UPF1: variants seen among roughly 807,000 people sequenced by gnomAD.
UPF1 encodes regulator of nonsense transcripts 1.
A neutral mutation model predicts 129.2 loss-of-function variants in UPF1; 9 were observed. That is an observed-to-expected ratio of 0.07 (90% CI 0.04 to 0.12). The LOEUF is 0.12. Ranked by LOEUF, UPF1 falls within the 10% of genes least tolerant of loss-of-function variation. The pLI is 1.00. For missense variants in UPF1, 788 were observed against 1,525.3 expected (o/e 0.52, Z 8.05); for synonymous variants, 649 against 644.9 (o/e 1.01, Z -0.10).
In UPF1 at chr19:18,866,701, C is replaced by T. The variant is rs1397581639; in HGVS notation, c.*184C>T. On this transcript the variant is annotated 3_prime_UTR_variant, in exon 24 of 24. Coordinates refer to ENST00000262803, the MANE Select transcript of UPF1 (RefSeq NM_002911.4). ...CGAGGCCGAGCGCCCCCTGCTGGCC[C>T]GCGGCGGCGAGGAGCAGAGGGAGCG... The T allele has an allele frequency of 2.0e-5, 3 of 152,556 alleles. No individual in the cohort carries two copies. The highest frequency in any genetic ancestry group is 1.3e-4 in the Admixed American group (2 of 15,292). The allele number at this position is 152,556 out of a possible 1,614,324, so 9.5% of individuals were successfully genotyped here.
chr19:18,854,879 G>A lies in UPF1; in HGVS notation c.1266G>A (p.Arg422=), dbSNP rs1473308686. The change falls in exon 10 of 24, where the codon AGG becomes AGA. Residue 422 remains arginine (R), a splice_region_variant and synonymous_variant. Transcript: ENST00000262803. ...DFVWKSTSFD[R]MQSALKTFAV... is the part of the protein sequence containing the mutation. ...CGCCAACCCCAAACCCTCCTCACAGGATGCAGAGCGCATTGAAAACGTTTG... is the reference window on the plus strand; with the variant it reads ...CGCCAACCCCAAACCCTCCTCACAGAATGCAGAGCGCATTGAAAACGTTTG... The A allele has an allele frequency of 6.2e-7, 1 of 1,614,022 alleles. No homozygotes were observed. The highest frequency in any genetic ancestry group is 8.5e-7 in the Non-Finnish European group (1 of 1,179,998).
intron 18 of UPF1, chr19:18,863,231 G>C: frequency 3.4e-6 from 2 of 591,472 alleles, no homozygotes; most frequent in East Asian, 5.7e-5. Flanking sequence ...GCTTAGAGTC[G>C]GCCACAAAAT....
intron 11 of UPF1, 70 bp from the exon 12 acceptor site, chr19:18,855,855 A>G: frequency 6.4e-7 from 1 of 1,562,710 alleles, no homozygotes; most frequent in East Asian, 2.3e-5. Context: ...CTCAAAAAAC[A>G]GAGTCTTGGC....
chr19:18,838,485 C>G (rs1433292170), intron 1 of UPF1, among the ~76,000 whole-genome samples: 2 of 152,056 alleles, frequency 1.3e-5, no homozygotes, highest in African/African-American at 4.8e-5. Flanking sequence ...CCTGTCTCTA[C>G]TAAAAATACA....
chr19:18,845,869 T>C lies in UPF1; in HGVS notation c.232-111T>C. The C allele has an allele frequency of 2.1e-6, 3 of 1,437,584 alleles. No individual in the cohort carries two copies. In the East Asian group the frequency reaches 7.3e-5, roughly 35 times the overall value. 89.1% of individuals were successfully genotyped at this position (1,437,584 alleles called of 1,614,324 possible). ...TCCAGTCAGAACAAGGGAAACTGTCTCAAAGCAGAGATGAGGCCAGGGTGT... is the reference window on the plus strand; with the variant it reads ...TCCAGTCAGAACAAGGGAAACTGTCCCAAAGCAGAGATGAGGCCAGGGTGT... On this transcript the variant is annotated intron_variant, in intron 1 of 23. Coordinates refer to ENST00000262803, the MANE Select transcript of UPF1 (RefSeq NM_002911.4).
intron 15 of UPF1, 193 bp from the exon 16 acceptor site, chr19:18,860,128 C>CGCT: frequency 1.6e-6 from 1 of 607,916 alleles, no homozygotes; most frequent in Non-Finnish European, 2.9e-6. Context: ...GTGGCCTCTC[C>CGCT]TCAGCCTTGC....
chr19:18,862,273 A>G, intron 18 of UPF1, 121 bp downstream of exon 18: 8 of 1,441,080 alleles, frequency 5.6e-6, no homozygotes, highest in Non-Finnish European at 7.4e-6. Context: ...GCAGCAGTTG[A>G]GAAACGATGT....
rs2055701390 is a variant in UPF1 at position 18,855,054 on chromosome 19, A to AGC, written c.1425+22_1425+23dup. On this transcript the variant is annotated intron_variant, in intron 10 of 23. Coordinates refer to ENST00000262803, the MANE Select transcript of UPF1 (RefSeq NM_002911.4). ...CCACTCCCAGGTGCGCGCCGTCCTC[A>AGC]GCGCGCGGGGCCTCGCCCATGGGCC... 8 of 1,613,126 alleles carry AGC rather than the reference A, an allele frequency of 5.0e-6. No individual in the cohort carries two copies. Among genetic ancestry groups the AGC allele is most frequent in the Non-Finnish European group, 6.8e-6 (8 of 1,179,532 alleles).
rs1195217128 is a variant in UPF1 at position 18,866,993 on chromosome 19, A to G, written c.*476A>G. On this transcript the variant is annotated 3_prime_UTR_variant, in exon 24 of 24. Transcript: ENST00000262803. ...GGGCGCGTCTGTCCACGCCTACCGGACGCGCCGAGGTCGCGCTGCCTGTGT... is the reference window on the plus strand; with the variant it reads ...GGGCGCGTCTGTCCACGCCTACCGGGCGCGCCGAGGTCGCGCTGCCTGTGT... 6.6e-6 allele frequency: 1 copy of G among 152,602 alleles called. No individual in the cohort carries two copies. Among genetic ancestry groups the G allele is most frequent in the Non-Finnish European group, 1.5e-5 (1 of 68,044 alleles). The allele number at this position is 152,602 out of a possible 1,614,324, so 9.5% of individuals were successfully genotyped here.
intron 1 of UPF1, among the ~76,000 whole-genome samples, chr19:18,840,657 C>T (rs988455794): frequency 1.1e-4 from 17 of 152,242 alleles, no homozygotes; most frequent in Middle Eastern, 3.4e-3. Context: ...GGAGTGGGTC[C>T]GGGCCCTGGC....
chr19:18,845,902 G>C (rs1275421758), intron 1 of UPF1, 78 bp from the exon 2 acceptor site: 101 of 1,546,132 alleles, frequency 6.5e-5, no homozygotes, highest in Admixed American at 9.5e-5. Flanking sequence ...TGTCACACCA[G>C]AGTCATCGAG....
At chr19:18,846,806 C>T (rs556002737) in intron 2 of UPF1, among the ~76,000 whole-genome samples, 2 of 152,078 alleles carry the variant, frequency 1.3e-5, no homozygotes, top group African/African-American at 4.8e-5. Context: ...CTGGCTAACA[C>T]GGTGAAACCC....
rs749996070 is a variant in UPF1, at chr19:18,856,879, C to T, written c.1827C>T (p.Asn609=). ...GATGCCTCTGCACCCTTCCCCAGAA[C>T]GCAGATGTCATCTGCTGCACATGTG... is the stretch of plus-strand genomic sequence containing the variant. ...KRTAERELLM[N]ADVICCTCVG... The change falls in exon 14 of 24, where the codon AAC becomes AAT. Residue 609 remains asparagine (N), a splice_region_variant and synonymous_variant. Coordinates refer to ENST00000262803, the MANE Select transcript of UPF1 (RefSeq NM_002911.4). The T allele has an allele frequency of 9.9e-6, 16 of 1,610,526 alleles. No individual in the cohort carries two copies. Among genetic ancestry groups the T allele is most frequent in the South Asian group, 2.2e-5 (2 of 90,896 alleles).
In UPF1 at chr19:18,853,741, A is replaced by G. The variant is rs1038616894; in HGVS notation, c.1156+391A>G. Reference sequence around the variant, plus strand: ...GGAGGTTCCAGAAGCCAGTGGTCACATGCAGACCCTCTGAGCACACACTTG... The same window carrying G: ...GGAGGTTCCAGAAGCCAGTGGTCACGTGCAGACCCTCTGAGCACACACTTG... On this transcript the variant is annotated intron_variant, in intron 8 of 23. Transcript: ENST00000262803. This position sits in a 1 kb window ranked among gnomAD's most constrained non-coding sequence, Gnocchi z 4.4. Among the ~76,000 whole-genome samples, 8 of 152,226 alleles carry G rather than the reference A, an allele frequency of 5.3e-5. No homozygotes were observed. The highest frequency in any genetic ancestry group is 7.3e-5 in the Non-Finnish European group (5 of 68,032).
At position 18,866,959 on chromosome 19, in the gene UPF1, G is replaced by A. The variant is rs377704231; in HGVS notation, c.*442G>A. The A allele has an allele frequency of 3.3e-5, 5 of 152,720 alleles. No homozygotes were observed. In the East Asian group the frequency reaches 9.6e-4, roughly 29 times the overall value. 9.5% of individuals were successfully genotyped at this position (152,720 alleles called of 1,614,324 possible). A position where few individuals can be genotyped will look rare whatever the true frequency, so the allele number is the denominator to read the frequency against. ...CAAAGACAGCAGCGTGCGGGGCAGAGCCCCGGGAGGGCGCGTCTGTCCACG... is the reference window on the plus strand; with the variant it reads ...CAAAGACAGCAGCGTGCGGGGCAGAACCCCGGGAGGGCGCGTCTGTCCACG... On this transcript the variant is annotated 3_prime_UTR_variant, in exon 24 of 24. Transcript: ENST00000262803.
chr19:18,850,884 G>A lies in UPF1; in HGVS notation c.810+16G>A, dbSNP rs1189482082. 3.9e-6 allele frequency: 6 copies of A among 1,545,356 alleles called. No homozygotes were observed. The highest frequency in any genetic ancestry group is 2.0e-5 in the Admixed American group (1 of 50,228). On this transcript the variant is annotated intron_variant, in intron 5 of 23. Coordinates refer to ENST00000262803, the MANE Select transcript of UPF1 (RefSeq NM_002911.4). This position sits in a 1 kb window ranked among gnomAD's most constrained non-coding sequence, Gnocchi z 7.1. ...GCTGTGGAAGGTGGGGCTGCCCAGC[G>A]GGCCGACCCGTGCCTTCGTGTGGTT...
Position 18,855,214 on chromosome 19 carries a change from G to A in UPF1, c.1516G>A (p.Val506Ile). 1.9e-6 allele frequency: 3 copies of A among 1,612,510 alleles called. No homozygotes were observed. Among genetic ancestry groups the A allele is most frequent in the South Asian group, 1.1e-5 (1 of 91,086 alleles). ...TGKTVTSATIVYHLARQGNGP... is the reference protein window; with the variant it reads ...TGKTVTSATIIYHLARQGNGP... ...GAAGACGGTGACGTCGGCCACCATCGTCTACCACCTGGCCCGGCAAGGCAA... is the reference window on the plus strand; with the variant it reads ...GAAGACGGTGACGTCGGCCACCATCATCTACCACCTGGCCCGGCAAGGCAA... Residue 506 changes from valine to isoleucine, a missense_variant, in exon 11 of 24, where the codon GTC (valine) becomes ATC (isoleucine). Physicochemically the swap from Val to Ile is conservative, Grantham distance 29. Transcript: ENST00000262803.
Position 18,851,275 on chromosome 19 carries a change from G to A in UPF1, c.810+407G>A, listed in dbSNP as rs557017684. 9 of 161,614 alleles carry A rather than the reference G, an allele frequency of 5.6e-5. No homozygotes were observed. In the East Asian group the frequency reaches 1.6e-3, roughly 29 times the overall value. 10.0% of individuals were successfully genotyped at this position (161,614 alleles called of 1,614,324 possible). ...GAGGTCGGCACAGTCAGCTGAGACA[G>A]AGGGGAGAGGAGAGGGTGCCGGGTC... is the stretch of plus-strand genomic sequence containing the variant. On this transcript the variant is annotated intron_variant, in intron 5 of 23. Coordinates refer to ENST00000262803, the MANE Select transcript of UPF1 (RefSeq NM_002911.4). This position sits in a 1 kb window ranked among gnomAD's most constrained non-coding sequence, Gnocchi z 4.2.
At chr19:18,843,518 G>GTTT (rs35934501) in intron 1 of UPF1, among the ~76,000 whole-genome samples, 2,209 of 123,968 alleles carry the variant, frequency 0.018, 114 homozygotes, top group African/African-American at 0.042. Context: ...GACTTTCTTT[G>GTTT]TTTTTTTTTT....
Sources: allele counts gnomAD v4.1 joint callset (sites outside exome capture counted in the v4.1 genomes callset), GRCh38; gene constraint gnomAD v4.1.1; non-coding constraint Gnocchi (gnomAD v3.1); transcripts MANE v1.5; gene names NCBI Gene and HGNC (gene_info 2026-07-23, HGNC 2026-07-21).